PCDHGB3: variants seen among roughly 807,000 people sequenced by gnomAD.
PCDHGB3 encodes the protein protocadherin gamma-B3.
PCDHGB3 carries 40 observed loss-of-function variants against 59.2 expected under a neutral mutation model. That is an observed-to-expected ratio of 0.68 (90% CI 0.52 to 0.88). PCDHGB3 has a LOEUF of 0.88. Among genes scored for constraint, PCDHGB3 ranks in the 40% least tolerant of loss-of-function variants. PCDHGB3 has a pLI of 0.00. For synonymous variants in PCDHGB3, 581 were observed against 503.6 expected (o/e 1.15, Z -2.06); for missense variants, 1,309 against 1,187.9 (o/e 1.10, Z -1.50).
Position 141,487,893 on chromosome 5 carries a change from G to A in PCDHGB3, c.2416-6914G>A. Reference sequence around the variant, plus strand: ...AGCCAGGCTGTTGTGGAAGCATGATGATGGAATGTGGGAGCACAGGAGGCT... The same window carrying A: ...AGCCAGGCTGTTGTGGAAGCATGATAATGGAATGTGGGAGCACAGGAGGCT... On this transcript the variant is annotated intron_variant, in intron 1 of 3. Coordinates refer to ENST00000576222, the MANE Select transcript of PCDHGB3 (RefSeq NM_018924.5). The surrounding 1 kb of genome is among the most constrained non-coding windows in gnomAD (Gnocchi z 5.0). The A allele has an allele frequency of 1.4e-6, 1 of 731,472 alleles. No individual in the cohort carries two copies. The highest frequency in any genetic ancestry group is 2.2e-6 in the Non-Finnish European group (1 of 450,166). 45.3% of individuals were successfully genotyped at this position (731,472 alleles called of 1,614,324 possible). A position where few individuals can be genotyped will look rare whatever the true frequency, so the allele number is the denominator to read the frequency against.
intron 1 of PCDHGB3, among the ~76,000 whole-genome samples, chr5:141,453,288 ATTATTTAT>A (rs577328880): frequency 6.6e-6 from 1 of 151,342 alleles, no homozygotes; most frequent in Non-Finnish European, 1.5e-5. Context: ...TAATTTTTTA[ATTATTTAT>A]TTATTTATTT....
chr5:141,425,490 G>T (rs2096878933), intron 1 of PCDHGB3, among the ~76,000 whole-genome samples: 1 of 152,122 alleles, frequency 6.6e-6, no homozygotes, highest in Non-Finnish European at 1.5e-5. Context: ...AACCTACTAG[G>T]CTATACCTTT....
intron 1 of PCDHGB3, among the ~76,000 whole-genome samples, chr5:141,425,386 G>C (rs2096871887): frequency 6.6e-6 from 1 of 152,224 alleles, no homozygotes; most frequent in South Asian, 2.1e-4. Context: ...TTCGGAGGTA[G>C]TGATAAAGTT....
chr5:141,488,502 C>T (rs989368385), intron 1 of PCDHGB3, among the ~76,000 whole-genome samples: 2 of 152,146 alleles, frequency 1.3e-5, no homozygotes, highest in Non-Finnish European at 2.9e-5. Context: ...ACACTCATTC[C>T]ACATTTGGGG....
At position 141,389,423 on chromosome 5, in the gene PCDHGB3, C is replaced by G. The variant is rs779826135; in HGVS notation, c.2415+16614C>G. 11 of 1,613,516 alleles carry G rather than the reference C, an allele frequency of 6.8e-6. No individual in the cohort carries two copies. The highest frequency in any genetic ancestry group is 9.3e-6 in the Non-Finnish European group (11 of 1,179,902). ...TAAGCGCGGAGAGCGGGGTGGTGTT[C>G]GCGCAGCGCGCCTTCGACCACGAGC... On this transcript the variant is annotated intron_variant, in intron 1 of 3. Coordinates refer to ENST00000576222, the MANE Select transcript of PCDHGB3 (RefSeq NM_018924.5).
rs2099713635 is a variant in PCDHGB3, at chr5:141,491,418, T to C, written c.2416-3389T>C. The C allele has an allele frequency of 6.2e-7, 1 of 1,613,796 alleles. No individual in the cohort carries two copies. Among genetic ancestry groups the C allele is most frequent in the Non-Finnish European group, 8.5e-7 (1 of 1,179,944 alleles). On this transcript the variant is annotated intron_variant, in intron 1 of 3. Transcript: ENST00000576222. The surrounding 1 kb of genome is among the most constrained non-coding windows in gnomAD (Gnocchi z 6.9). The stretch of plus-strand genomic sequence containing the variant: ...AGGGAAACGCAGACGGGGACGGGGG[T>C]GGAGGGCAGTGCTGCAGGCGCCAGG...
Position 141,374,782 on chromosome 5 carries a change from A to G in PCDHGB3, c.2415+1973A>G, listed in dbSNP as rs781674966. The G allele has an allele frequency of 1.9e-6, 3 of 1,613,904 alleles. No individual in the cohort carries two copies. The East Asian group carries it at 6.7e-5, about 36-fold the overall frequency. ...TCGCCCAAATTCTGGTAACAGTTCT[A>G]GATGTGAATGACAACACTCCAATGT... On this transcript the variant is annotated intron_variant, in intron 1 of 3. Coordinates refer to ENST00000576222, the MANE Select transcript of PCDHGB3 (RefSeq NM_018924.5).
chr5:141,501,891 T>G (rs2099811650), intron 2 of PCDHGB3, among the ~76,000 whole-genome samples: 1 of 152,128 alleles, frequency 6.6e-6, no homozygotes, highest in Admixed American at 6.5e-5. Context: ...CTGATCATCA[T>G]GGTTCCAACC....
intron 1 of PCDHGB3, chr5:141,409,044 T>G (rs2095215005): frequency 6.2e-7 from 1 of 1,613,762 alleles, no homozygotes; most frequent in African/African-American, 1.3e-5. Context: ...AACTACTACT[T>G]CCGAAGCACT....
At chr5:141,449,380 G>C (rs1011160817) in intron 1 of PCDHGB3, among the ~76,000 whole-genome samples, 3 of 151,950 alleles carry the variant, frequency 2.0e-5, no homozygotes, top group African/African-American at 7.3e-5. Flanking sequence ...GCTGAGGCAG[G>C]TGGATTACTT....
chr5:141,376,208 A>G, intron 1 of PCDHGB3: 1 of 1,614,128 alleles, frequency 6.2e-7, no homozygotes, highest in Non-Finnish European at 8.5e-7. Context: ...GGCCTTCGTC[A>G]TCGTGCTGCT....
chr5:141,379,295 G>A (rs928710321), intron 1 of PCDHGB3: 3 of 152,044 alleles, frequency 2.0e-5, no homozygotes, highest in African/African-American at 7.2e-5. Context: ...AGTTTCCAAA[G>A]GTATATACCT....
Position 141,477,876 on chromosome 5 carries a change from G to A in PCDHGB3, c.2416-16931G>A, listed in dbSNP as rs1412801533. The A allele has an allele frequency of 4.3e-6, 7 of 1,614,144 alleles. No individual in the cohort carries two copies. Among genetic ancestry groups the A allele is most frequent in the Non-Finnish European group, 5.9e-6 (7 of 1,180,030 alleles). ...ATGCTGCCTCGAGGTACCTCAGCTG[G>A]CCACCTAGTGTCACGGGTGGTAGGC... On this transcript the variant is annotated intron_variant, in intron 1 of 3. Coordinates refer to ENST00000576222, the MANE Select transcript of PCDHGB3 (RefSeq NM_018924.5). The surrounding 1 kb of genome is among the most constrained non-coding windows in gnomAD (Gnocchi z 4.9).
chr5:141,396,962 T>C (rs2150689685), intron 1 of PCDHGB3, among the ~76,000 whole-genome samples: 1 of 152,308 alleles, frequency 6.6e-6, no homozygotes, highest in South Asian at 2.1e-4. Flanking sequence ...ATCCTTACTC[T>C]CCCTAAAAAT....
chr5:141,493,983 A>G lies in PCDHGB3; in HGVS notation c.2416-824A>G, dbSNP rs2099751203. Among the ~76,000 whole-genome samples the G allele has an allele frequency of 6.6e-6, 1 of 152,194 alleles. No homozygotes were observed. The highest frequency in any genetic ancestry group is 6.5e-5 in the Admixed American group (1 of 15,278). ...TGGCTGGCCAGAGCCCCACACCTTC[A>G]GCTAGGTGGGAGATGGCTACACATC... On this transcript the variant is annotated intron_variant, in intron 1 of 3. Coordinates refer to ENST00000576222, the MANE Select transcript of PCDHGB3 (RefSeq NM_018924.5). The surrounding 1 kb of genome is among the most constrained non-coding windows in gnomAD (Gnocchi z 4.3).
intron 1 of PCDHGB3, chr5:141,399,206 C>T (rs2093769623): frequency 1.2e-6 from 2 of 1,613,908 alleles, no homozygotes; most frequent in South Asian, 2.2e-5. Flanking sequence ...GTGCCTGGAA[C>T]ACTAATTGCT....
In PCDHGB3 at chr5:141,476,789, T is replaced by A. The variant is rs762462741; in HGVS notation, c.2416-18018T>A. On this transcript the variant is annotated intron_variant, in intron 1 of 3. Coordinates refer to ENST00000576222, the MANE Select transcript of PCDHGB3 (RefSeq NM_018924.5). The surrounding 1 kb of genome is among the most constrained non-coding windows in gnomAD (Gnocchi z 7.6). ...GTTGGACGGAGGGACCCCAGCTCTCTCCGCCAGCCTGCCTATTCACATCAA... is the reference window on the plus strand; with the variant it reads ...GTTGGACGGAGGGACCCCAGCTCTCACCGCCAGCCTGCCTATTCACATCAA... 1.3e-5 allele frequency: 21 copies of A among 1,613,374 alleles called. No individual in the cohort carries two copies. Among genetic ancestry groups the A allele is most frequent in the Non-Finnish European group, 1.7e-5 (20 of 1,180,016 alleles).
intron 1 of PCDHGB3, chr5:141,418,417 T>G: frequency 6.2e-7 from 1 of 1,614,002 alleles, no homozygotes; most frequent in Non-Finnish European, 8.5e-7. Flanking sequence ...AAGACAATCC[T>G]GATGGTGGCA....
At chr5:141,488,273 C>A (rs1411817846) in intron 1 of PCDHGB3, among the ~76,000 whole-genome samples, 6 of 152,256 alleles carry the variant, frequency 3.9e-5, no homozygotes, top group East Asian at 1.9e-4. Flanking sequence ...TTGGTCATCA[C>A]CTTTGGAAAA....
Sources: gnomAD v4.1 joint callset for allele counts (sites outside exome capture counted in the v4.1 genomes callset) on GRCh38, gnomAD v4.1.1 for gene constraint, Gnocchi (gnomAD v3.1) non-coding constraint, MANE v1.5 for transcripts, NCBI Gene and HGNC (gene_info 2026-07-23, HGNC 2026-07-21) for gene names.